The following SV2B variants were observed in gnomAD, a reference collection of about 807,000 sequenced individuals.
The protein encoded by SV2B is solute carrier family 22 member B2.
In SV2B, 41 loss-of-function variants were observed where a neutral mutation model predicts 73.9. The ratio of observed to expected loss-of-function variants is 0.56; its 90% CI spans 0.43 to 0.72. The LOEUF (loss-of-function observed/expected upper bound fraction) is 0.72, where lower values mean the gene tolerates loss of function less well. SV2B is among the 30% of genes least tolerant of loss of function. SV2B has a pLI of 0.00. For synonymous variants in SV2B, 314 were observed against 314.2 expected (o/e 1.00, Z 0.01); for missense variants, 764 against 857.8 (o/e 0.89, Z 1.37).
intron 1 of SV2B, among the ~76,000 whole-genome samples, chr15:91,189,122 G>A (rs1047880903): frequency 5.3e-5 from 8 of 152,158 alleles, no homozygotes; most frequent in Middle Eastern, 3.4e-3. Context: ...ACGGCTGTAC[G>A]TCCTATTTTC....
intron 9 of SV2B, among the ~76,000 whole-genome samples, chr15:91,278,449 G>A (rs753108117): frequency 1.5e-3 from 222 of 151,840 alleles, no homozygotes; most frequent in South Asian, 4.0e-3. Flanking sequence ...AGGCCGAGGC[G>A]GGTGGATCAT....
intron 1 of SV2B, among the ~76,000 whole-genome samples, chr15:91,196,141 CTCT>C (rs1251292697): frequency 6.6e-6 from 1 of 152,202 alleles, no homozygotes; most frequent in East Asian, 1.9e-4. Context: ...TGCTGAAATC[CTCT>C]TCTTCTTGCT....
At chr15:91,178,909 T>C (rs1485805867) in intron 1 of SV2B, among the ~76,000 whole-genome samples, 4 of 149,324 alleles carry the variant, frequency 2.7e-5, no homozygotes, top group African/African-American at 7.4e-5. Flanking sequence ...CTGCTCTGAT[T>C]TTAGTTATTT....
chr15:91,183,493 G>C (rs537979069), intron 1 of SV2B, among the ~76,000 whole-genome samples: 16 of 152,292 alleles, frequency 1.1e-4, no homozygotes, highest in African/African-American at 3.9e-4. Flanking sequence ...TTGATATCCA[G>C]CTTAAGCTGC....
intron 1 of SV2B, among the ~76,000 whole-genome samples, chr15:91,184,064 T>C (rs992446120): frequency 1.3e-5 from 2 of 152,200 alleles, no homozygotes; most frequent in Non-Finnish European, 2.9e-5. Context: ...TTAGAACAGT[T>C]AACTGTCACA....
intron 9 of SV2B, among the ~76,000 whole-genome samples, chr15:91,273,142 A>G (rs1022065332): frequency 6.6e-6 from 1 of 152,032 alleles, no homozygotes; most frequent in Non-Finnish European, 1.5e-5. Flanking sequence ...TCTAAATAAG[A>G]ATATTCTTCA....
intron 1 of SV2B, among the ~76,000 whole-genome samples, chr15:91,101,481 G>C (rs570965578): frequency 6.6e-5 from 10 of 152,222 alleles, no homozygotes; most frequent in Admixed American, 1.3e-4. Context: ...ATGCAGAGAT[G>C]ATGATAACAA....
chr15:91,190,733 G>A (rs1317055837), intron 1 of SV2B, among the ~76,000 whole-genome samples: 1 of 152,138 alleles, frequency 6.6e-6, no homozygotes, highest in Non-Finnish European at 1.5e-5. Context: ...TCCATATGTT[G>A]TCAATACACC....
rs147182068 is a variant in SV2B, at chr15:91,121,824, G to T, written c.-392+21461G>T. Among the ~76,000 whole-genome samples the T allele has an allele frequency of 0.025, 3,709 of 150,940 alleles. 139 individuals are homozygous for T. Among genetic ancestry groups the T allele is most frequent in the African/African-American group, 0.087 (3,532 of 40,740 alleles). On this transcript the variant is annotated intron_variant, in intron 1 of 12. Coordinates refer to ENST00000394232, the MANE Select transcript of SV2B (RefSeq NM_001323032.3). The surrounding 1 kb of genome is among the most constrained non-coding windows in gnomAD (Gnocchi z 4.4). Reference sequence around the variant, plus strand: ...GAGTCTCGCTCTGTCACCCAGGCTGGAGTGCAGTGGCGCGATCTCGGCTCA... The same window carrying T: ...GAGTCTCGCTCTGTCACCCAGGCTGTAGTGCAGTGGCGCGATCTCGGCTCA...
At chr15:91,217,731 A>C (rs531501353) in intron 1 of SV2B, among the ~76,000 whole-genome samples, 7 of 152,282 alleles carry the variant, frequency 4.6e-5, no homozygotes, top group Non-Finnish European at 8.8e-5. Flanking sequence ...TCACAGATAC[A>C]TGAGAAAATA....
Position 91,162,915 on chromosome 15 carries a change from C to G in SV2B, c.-392+62552C>G, listed in dbSNP as rs535058321. ...AGGTATATCTCCTAATGCTATCCCT[C>G]CCCCAACCCCACGACAGGCTCCTGT... On this transcript the variant is annotated intron_variant, in intron 1 of 12. Transcript: ENST00000394232. Among the ~76,000 whole-genome samples the G allele has an allele frequency of 1.1e-4, 16 of 142,488 alleles. No homozygotes were observed. In the South Asian group the frequency reaches 2.1e-3, roughly 18 times the overall value. 93.5% of individuals were successfully genotyped at this position (142,488 alleles called of 152,430 possible).
At chr15:91,180,854 C>T (rs1175695035) in intron 1 of SV2B, among the ~76,000 whole-genome samples, 48 of 152,222 alleles carry the variant, frequency 3.2e-4, no homozygotes, top group African/African-American at 1.0e-3. Context: ...TCCTGTAGCT[C>T]GGAGTAGTTT....
In SV2B at chr15:91,301,693, T is replaced by C. The variant is rs982744596; in HGVS notation, c.*9141T>C. On this transcript the variant is annotated 3_prime_UTR_variant, in exon 13 of 13. Coordinates refer to ENST00000394232, the MANE Select transcript of SV2B (RefSeq NM_001323032.3). This position sits in a 1 kb window ranked among gnomAD's most constrained non-coding sequence, Gnocchi z 4.3. The stretch of plus-strand genomic sequence containing the variant: ...CAAATAGCTACAGACTGAGTATTCC[T>C]TATCCCAAATGTTTGGGACCAGAAG... Among the ~76,000 whole-genome samples the C allele has an allele frequency of 6.6e-6, 1 of 152,338 alleles. No homozygotes were observed. The highest frequency in any genetic ancestry group is 2.1e-4 in the South Asian group (1 of 4,828).
rs1234297589 is a variant in SV2B at position 91,245,356 on chromosome 15, A to G, written c.452-6463A>G. Reference sequence around the variant, plus strand: ...TTTGCTGAGTTGTTTATTAAGTGAAAAGCTAGACTATGAAGCTTTCGAGAC... The same window carrying G: ...TTTGCTGAGTTGTTTATTAAGTGAAGAGCTAGACTATGAAGCTTTCGAGAC... On this transcript the variant is annotated intron_variant, in intron 2 of 12. Transcript: ENST00000394232. This position sits in a 1 kb window ranked among gnomAD's most constrained non-coding sequence, Gnocchi z 4.2. 6.6e-6 allele frequency among the ~76,000 whole-genome samples: 1 copy of G among 152,226 alleles called. No individual in the cohort carries two copies. The highest frequency in any genetic ancestry group is 2.4e-5 in the African/African-American group (1 of 41,456).
Position 91,298,109 on chromosome 15 carries a change from G to A in SV2B, c.*5557G>A, listed in dbSNP as rs1253039023. ...TGACCTGCAGACAGTCCACCTGAAC[G>A]TGCCTGGAAATGTCTCCCGAAAAGG... On this transcript the variant is annotated 3_prime_UTR_variant, in exon 13 of 13. Coordinates refer to ENST00000394232, the MANE Select transcript of SV2B (RefSeq NM_001323032.3). The surrounding 1 kb of genome is among the most constrained non-coding windows in gnomAD (Gnocchi z 5.4). The A allele has an allele frequency of 6.6e-6, 1 of 152,198 alleles. No homozygotes were observed. The highest frequency in any genetic ancestry group is 6.5e-5 in the Admixed American group (1 of 15,278). The allele number at this position is 152,198 out of a possible 1,614,324, so 9.4% of individuals were successfully genotyped here. A position where few individuals can be genotyped will look rare whatever the true frequency, so the allele number is the denominator to read the frequency against.
intron 1 of SV2B, among the ~76,000 whole-genome samples, chr15:91,221,693 GCACACACACACA>G (rs3082137): frequency 8.6e-5 from 12 of 140,068 alleles, no homozygotes; most frequent in East Asian, 2.1e-4. Flanking sequence ...AAGCATGTGC[GCACACACACACA>G]CACACACACA....
Position 91,122,750 on chromosome 15 carries a change from G to C in SV2B, c.-392+22387G>C, listed in dbSNP as rs979851349. 6.6e-6 allele frequency among the ~76,000 whole-genome samples: 1 copy of C among 152,096 alleles called. No individual in the cohort carries two copies. The highest frequency in any genetic ancestry group is 1.5e-5 in the Non-Finnish European group (1 of 68,014). ...GATATTACATTAAATGAAATACGCC[G>C]GGCACAGAGAGACAAACACTGCCTG... On this transcript the variant is annotated intron_variant, in intron 1 of 12. Transcript: ENST00000394232. The surrounding 1 kb of genome is among the most constrained non-coding windows in gnomAD (Gnocchi z 4.3).
At chr15:91,221,695 A>ACGCGCGCG (rs937088399) in intron 1 of SV2B, among the ~76,000 whole-genome samples, 1 of 132,330 alleles carries the variant, frequency 7.6e-6, no homozygotes, top group African/African-American at 3.1e-5. Context: ...GCATGTGCGC[A>ACGCGCGCG]CACACACACA....
chr15:91,191,063 C>CTTTT lies in SV2B; in HGVS notation c.-391-34792_-391-34789dup, dbSNP rs59849012. ...TACCCTGGTGGTTTTTTTGGTGTTT[C>CTTTT]TTTTTTTTTTTTTTTTTTTTTGACA... On this transcript the variant is annotated intron_variant, in intron 1 of 12. Coordinates refer to ENST00000394232, the MANE Select transcript of SV2B (RefSeq NM_001323032.3). 2.9e-3 allele frequency among the ~76,000 whole-genome samples: 187 copies of CTTTT among 64,226 alleles called. 21 individuals carry two copies. Among genetic ancestry groups the CTTTT allele is most frequent in the East Asian group, 0.028 (36 of 1,290 alleles). The allele number at this position is 64,226 out of a possible 152,430, so 42.1% of individuals were successfully genotyped here.
Sources: allele counts gnomAD v4.1 joint callset (sites outside exome capture counted in the v4.1 genomes callset), GRCh38; gene constraint gnomAD v4.1.1; non-coding constraint Gnocchi (gnomAD v3.1); transcripts MANE v1.5; gene names NCBI Gene and HGNC (gene_info 2026-07-23, HGNC 2026-07-21).